Variants in IPO8 observed in about 807,000 individuals in gnomAD.
IPO8 encodes importin-8.
Under a neutral mutation model 141.2 loss-of-function variants are expected in IPO8, and 65 were observed. The ratio of observed to expected loss-of-function variants is 0.46; its 90% CI spans 0.38 to 0.57. The LOEUF is 0.57. Among genes scored for constraint, IPO8 ranks in the 20% least tolerant of loss-of-function variants. The probability of loss-of-function intolerance (pLI) is 0.00; values close to 1 mark genes in which losing one functional copy is unlikely to be tolerated. For synonymous variants in IPO8, 411 were observed against 420.3 expected, an observed-to-expected ratio of 0.98 and a Z score of 0.27; for missense variants, 980 against 1,246.8, an observed-to-expected ratio of 0.79 and a Z score of 3.22.
Position 30,652,971 on chromosome 12 carries a change from A to G in IPO8, c.2070T>C (p.Phe690=). The part of the protein sequence containing the change: ...EVFQQDCFEY[F]TDMMPLLHNY... ...TTTATATGGTCAAAGCCATACCTGTAAAGTATTCAAAGCAATCCTGCTGAA... is the reference window on the plus strand; with the variant it reads ...TTTATATGGTCAAAGCCATACCTGTGAAGTATTCAAAGCAATCCTGCTGAA... Residue 690 remains phenylalanine (F), a synonymous_variant, in exon 18 of 25, where the codon TTT becomes TTC. Coordinates refer to ENST00000256079, the MANE Select transcript of IPO8 (RefSeq NM_006390.4). 1.2e-6 allele frequency: 2 copies of G among 1,606,750 alleles called. No homozygotes were observed. Among genetic ancestry groups the G allele is most frequent in the Non-Finnish European group, 1.7e-6 (2 of 1,177,306 alleles).
intron 11 of IPO8, 123 bp downstream of exon 11, chr12:30,666,052 A>G: frequency 2.8e-6 from 2 of 715,308 alleles, no homozygotes; most frequent in Non-Finnish European, 4.4e-6. Flanking sequence ...GAAAAAAAAA[A>G]TCCTTAAGGT....
At chr12:30,686,156 T>C (rs1302638047) in intron 2 of IPO8, among the ~76,000 whole-genome samples, 1 of 152,148 alleles carries the variant, frequency 6.6e-6, no homozygotes, top group Non-Finnish European at 1.5e-5. Context: ...TTTTTTCCCT[T>C]ACTTGTTTTT....
chr12:30,663,699 C>A, intron 13 of IPO8, 45 bp from the exon 14 acceptor site: 1 of 1,407,102 alleles, frequency 7.1e-7, no homozygotes, highest in Non-Finnish European at 9.6e-7. Flanking sequence ...AGGATTATAG[C>A]ATTCTGTAAT....
chr12:30,693,313 T>C (rs1005642709), intron 1 of IPO8, among the ~76,000 whole-genome samples: 9 of 152,052 alleles, frequency 5.9e-5, no homozygotes, highest in Middle Eastern at 3.4e-3. Flanking sequence ...AGAAACAATA[T>C]CACAAATAGC....
chr12:30,663,768 T>C, intron 13 of IPO8, 114 bp from the exon 14 acceptor site: 1 of 817,306 alleles, frequency 1.2e-6, no homozygotes, highest in Non-Finnish European at 1.7e-6. Context: ...AAATGTTTGC[T>C]TTTGGGGTAA....
chr12:30,690,668 A>G, intron 1 of IPO8, 91 bp from the exon 2 acceptor site: 1 of 615,466 alleles, frequency 1.6e-6, no homozygotes, highest in Non-Finnish European at 2.8e-6. Flanking sequence ...TTACTGTCCA[A>G]ATAAAAGAAA....
At chr12:30,661,350 A>G (rs1294923450) in intron 15 of IPO8, 84 bp from the exon 16 acceptor site, 2 of 1,303,646 alleles carry the variant, frequency 1.5e-6, no homozygotes, top group Non-Finnish European at 1.0e-6. Context: ...TGGCAGTGTC[A>G]CACATCTGAA....
intron 5 of IPO8, chr12:30,677,058 G>A (rs891418670): frequency 1.3e-6 from 2 of 1,521,654 alleles, no homozygotes; most frequent in Non-Finnish European, 1.8e-6. Flanking sequence ...CTGCTGTACT[G>A]TGAGTTGCAG....
At chr12:30,692,669 A>T (rs1279685187) in intron 1 of IPO8, among the ~76,000 whole-genome samples, 1 of 152,196 alleles carries the variant, frequency 6.6e-6, no homozygotes, top group Admixed American at 6.5e-5. Flanking sequence ...GCTCCGCTGC[A>T]TTAACCTTTC....
chr12:30,654,697 G>T (rs960833224), intron 17 of IPO8, among the ~76,000 whole-genome samples: 1 of 151,858 alleles, frequency 6.6e-6, no homozygotes, highest in Non-Finnish European at 1.5e-5. Flanking sequence ...TCAAAAAGAC[G>T]AAAGTTAAAT....
intron 20 of IPO8, among the ~76,000 whole-genome samples, chr12:30,642,643 A>T (rs1253199647): frequency 6.6e-6 from 1 of 151,058 alleles, no homozygotes; most frequent in African/African-American, 2.4e-5. Context: ...TAAATAGTAC[A>T]TATTATATAT....
intron 20 of IPO8, among the ~76,000 whole-genome samples, chr12:30,647,293 TAC>T (rs999781607): frequency 6.6e-6 from 1 of 151,954 alleles, no homozygotes; most frequent in Non-Finnish European, 1.5e-5. Context: ...TCACATTATG[TAC>T]AAAAATTAAC....
intron 14 of IPO8, among the ~76,000 whole-genome samples, chr12:30,663,226 A>T (rs1167580356): frequency 6.6e-6 from 1 of 152,080 alleles, no homozygotes; most frequent in Non-Finnish European, 1.5e-5. Flanking sequence ...TTAGGAGCAA[A>T]ATCAAAACTG....
chr12:30,678,100 G>A (rs10771756), intron 5 of IPO8, among the ~76,000 whole-genome samples: 32,869 of 149,584 alleles, frequency 0.22, 3,696 homozygotes, highest in East Asian at 0.29. Context: ...ACTCCAGCCC[G>A]GGCGACAGAG....
At chr12:30,682,719 G>T (rs2053201510) in intron 3 of IPO8, among the ~76,000 whole-genome samples, 2 of 151,368 alleles carry the variant, frequency 1.3e-5, no homozygotes, top group African/African-American at 2.4e-5. Flanking sequence ...GATTCCACAG[G>T]GCAACTAAAA....
At chr12:30,635,179 A>C (rs1431388312) in intron 22 of IPO8, among the ~76,000 whole-genome samples, 1 of 152,054 alleles carries the variant, frequency 6.6e-6, no homozygotes, top group African/African-American at 2.4e-5. Flanking sequence ...GGAATATGGG[A>C]ATGTTGGTAA....
intron 21 of IPO8, among the ~76,000 whole-genome samples, chr12:30,638,730 G>C (rs914032696): frequency 6.6e-6 from 1 of 151,990 alleles, no homozygotes; most frequent in Non-Finnish European, 1.5e-5. Flanking sequence ...GCAGTGGCAC[G>C]ATCTCAGCTC....
intron 18 of IPO8, 81 bp downstream of exon 18, chr12:30,652,886 T>C (rs1468066252): frequency 8.3e-7 from 1 of 1,203,448 alleles, no homozygotes; most frequent in African/African-American, 1.5e-5. Flanking sequence ...ATTGGAATCA[T>C]ATGTGTTTTT....
In IPO8 at chr12:30,652,308, C is replaced by A; in HGVS notation, c.2075-19G>T. The A allele has an allele frequency of 1.5e-6, 2 of 1,350,312 alleles. No homozygotes were observed. The highest frequency in any genetic ancestry group is 2.4e-5 in the South Asian group (2 of 84,920). 83.6% of individuals were successfully genotyped at this position (1,350,312 alleles called of 1,614,324 possible). A position where few individuals can be genotyped will look rare whatever the true frequency, so the allele number is the denominator to read the frequency against. On this transcript the variant is annotated intron_variant, in intron 18 of 24. Coordinates refer to ENST00000256079, the MANE Select transcript of IPO8 (RefSeq NM_006390.4). ...ATCATGTCTGAAAAAAAATCAAAAT[C>A]CCAATGAGACTTGAGTGACAGAAAT...
Sources: gnomAD v4.1 joint callset for allele counts (sites outside exome capture counted in the v4.1 genomes callset) on GRCh38, gnomAD v4.1.1 for gene constraint, MANE v1.5 for transcripts, NCBI Gene and HGNC (gene_info 2026-07-23, HGNC 2026-07-21) for gene names.